The following ZMAT4 variants were observed in gnomAD, a reference collection of about 807,000 sequenced individuals.
The protein encoded by ZMAT4 is zinc finger matrin-type 4, also known as zinc finger matrin-type protein 4.
ZMAT4 carries 17 observed loss-of-function variants against 28.7 expected under a neutral mutation model. The ratio of observed to expected loss-of-function variants is 0.59; its 90% confidence interval spans 0.41 to 0.89. The LOEUF (loss-of-function observed/expected upper bound fraction) is 0.89. Ranked by LOEUF, ZMAT4 falls within the 40% of genes least tolerant of loss-of-function variation. The pLI, the probability that ZMAT4 is intolerant of heterozygous loss-of-function variation, is 0.00. For synonymous variants in ZMAT4, 117 were observed against 109.2 expected (o/e 1.07, Z -0.44); for missense variants, 240 against 283.8 (o/e 0.85, Z 1.11).
At chr8:40,756,449 T>C (rs1586000721) in intron 3 of ZMAT4, among the ~76,000 whole-genome samples, 1 of 127,888 alleles carries the variant, frequency 7.8e-6, no homozygotes, top group Non-Finnish European at 1.6e-5. Flanking sequence ...TATATATATA[T>C]ATATATATAC....
intron 5 of ZMAT4, among the ~76,000 whole-genome samples, chr8:40,648,441 C>T (rs1259807486): frequency 2.0e-5 from 3 of 151,230 alleles, no homozygotes; most frequent in Non-Finnish European, 2.9e-5. Context: ...ACCAAATCTA[C>T]GTCTGATTGG....
chr8:40,767,032 A>G (rs1813186419), intron 3 of ZMAT4, among the ~76,000 whole-genome samples: 1 of 152,142 alleles, frequency 6.6e-6, no homozygotes, highest in South Asian at 2.1e-4. Context: ...CCCTGCTGGG[A>G]GGAAGGAATA....
At chr8:40,872,693 G>A (rs1192476787) in intron 1 of ZMAT4, among the ~76,000 whole-genome samples, 1 of 152,076 alleles carries the variant, frequency 6.6e-6, no homozygotes, top group Non-Finnish European at 1.5e-5. Context: ...TAAGCTGTCT[G>A]CAACATTCTG....
chr8:40,739,023 T>G (rs1563448213), intron 3 of ZMAT4, among the ~76,000 whole-genome samples: 1 of 152,220 alleles, frequency 6.6e-6, no homozygotes, highest in Non-Finnish European at 1.5e-5. Context: ...GCACACTGGT[T>G]GTCAAGAAAT....
At chr8:40,643,155 C>G (rs533083192) in intron 5 of ZMAT4, among the ~76,000 whole-genome samples, 1 of 152,222 alleles carries the variant, frequency 6.6e-6, no homozygotes, top group East Asian at 1.9e-4. Flanking sequence ...TAACCAAGCA[C>G]ATGTCTGTGC....
At chr8:40,681,781 T>C (rs1348900178) in intron 4 of ZMAT4, among the ~76,000 whole-genome samples, 5 of 152,164 alleles carry the variant, frequency 3.3e-5, no homozygotes, top group Admixed American at 3.3e-4. Context: ...ATAGTTTCAT[T>C]AAACTTATTT....
chr8:40,881,588 A>AAG (rs1818267857), intron 1 of ZMAT4, among the ~76,000 whole-genome samples: 2 of 103,890 alleles, frequency 1.9e-5, no homozygotes, highest in African/African-American at 3.8e-5. Context: ...GAAAGAAAGA[A>AAG]AGAAAGAAAG....
At chr8:40,686,537 G>C (rs1419810298) in intron 4 of ZMAT4, among the ~76,000 whole-genome samples, 3 of 152,082 alleles carry the variant, frequency 2.0e-5, no homozygotes, top group African/African-American at 4.8e-5. Context: ...GGGAGTCTGA[G>C]GTGAGAGATT....
At chr8:40,656,293 A>G (rs1428667668) in intron 5 of ZMAT4, among the ~76,000 whole-genome samples, 2 of 152,182 alleles carry the variant, frequency 1.3e-5, no homozygotes, top group Non-Finnish European at 2.9e-5. Flanking sequence ...AAGGTAGATA[A>G]TAAGTGTTGA....
intron 3 of ZMAT4, among the ~76,000 whole-genome samples, chr8:40,750,349 G>A (rs1051369636): frequency 6.6e-6 from 1 of 152,164 alleles, no homozygotes; most frequent in Non-Finnish European, 1.5e-5. Flanking sequence ...CTAAAGAGAA[G>A]CAGAATGGTC....
intron 2 of ZMAT4, among the ~76,000 whole-genome samples, chr8:40,813,666 G>A (rs1180802169): frequency 6.6e-6 from 1 of 152,214 alleles, no homozygotes; most frequent in East Asian, 1.9e-4. Context: ...CGGTGAGTCA[G>A]ACAAAAGGTA....
chr8:40,541,562 G>A (rs1279745658), intron 6 of ZMAT4, among the ~76,000 whole-genome samples: 1 of 152,144 alleles, frequency 6.6e-6, no homozygotes, highest in African/African-American at 2.4e-5. Flanking sequence ...AATCGAGTCT[G>A]GCCAGTGGCT....
chr8:40,745,154 G>C (rs1021555472), intron 3 of ZMAT4, among the ~76,000 whole-genome samples: 1 of 152,272 alleles, frequency 6.6e-6, no homozygotes, highest in Non-Finnish European at 1.5e-5. Flanking sequence ...TGAGCTAGCA[G>C]GTCAAATATA....
intron 2 of ZMAT4, among the ~76,000 whole-genome samples, chr8:40,798,457 C>T (rs572860101): frequency 2.6e-5 from 4 of 152,282 alleles, no homozygotes; most frequent in African/African-American, 7.2e-5. Flanking sequence ...TGAGAAAAGA[C>T]GTTGCTGAAA....
intron 2 of ZMAT4, among the ~76,000 whole-genome samples, chr8:40,769,836 C>A (rs563956177): frequency 9.9e-5 from 15 of 151,302 alleles, no homozygotes; most frequent in Admixed American, 3.9e-4. Context: ...TTTAAAAAGA[C>A]CTTCTAGTAA....
chr8:40,539,665 T>G (rs896190898), intron 6 of ZMAT4, among the ~76,000 whole-genome samples: 5 of 152,262 alleles, frequency 3.3e-5, no homozygotes, highest in Non-Finnish European at 7.3e-5. Context: ...TAGATGAATG[T>G]GACCAGTAAC....
At chr8:40,628,425 G>A (rs754116912) in intron 5 of ZMAT4, among the ~76,000 whole-genome samples, 4 of 152,198 alleles carry the variant, frequency 2.6e-5, no homozygotes, top group Non-Finnish European at 5.9e-5. Flanking sequence ...CTTATGAAGT[G>A]TGTGTTATGA....
intron 5 of ZMAT4, among the ~76,000 whole-genome samples, chr8:40,635,339 CCT>C (rs1403041217): frequency 6.6e-6 from 1 of 151,808 alleles, no homozygotes; most frequent in Non-Finnish European, 1.5e-5. Flanking sequence ...CTTTTATCTG[CCT>C]CTCTGCCTCT....
At chr8:40,755,210 A>G (rs1330186970) in intron 3 of ZMAT4, among the ~76,000 whole-genome samples, 3 of 152,192 alleles carry the variant, frequency 2.0e-5, no homozygotes, top group African/African-American at 7.2e-5. Context: ...GTGAAACTCT[A>G]ACAGCCACAA....
Sources: gnomAD v4.1 joint callset for allele counts (sites outside exome capture counted in the v4.1 genomes callset) on GRCh38, gnomAD v4.1.1 for gene constraint, MANE v1.5 for transcripts, NCBI Gene and HGNC (gene_info 2026-07-23, HGNC 2026-07-21) for gene names.